Variants in GRM7 observed in about 807,000 individuals in gnomAD.
The protein encoded by GRM7 is glutamate metabotropic receptor 7, also known as metabotropic glutamate receptor 7.
A neutral mutation model predicts 84.5 loss-of-function variants in GRM7; 35 were observed. The ratio of observed to expected loss-of-function variants is 0.41; its 90% CI spans 0.32 to 0.55. The LOEUF (loss-of-function observed/expected upper bound fraction) is 0.55. GRM7 is among the 20% of genes least tolerant of loss of function. The probability of loss-of-function intolerance (pLI) is 0.19; values close to 1 mark genes in which losing one functional copy is unlikely to be tolerated. For synonymous variants in GRM7, 487 were observed against 455.1 expected (o/e 1.07, Z -0.89); for missense variants, 1,003 against 1,194.6 (o/e 0.84, Z 2.36).
chr3:7,736,935 A>G (rs562905202), intron 9 of GRM7, among the ~76,000 whole-genome samples: 3 of 152,184 alleles, frequency 2.0e-5, no homozygotes, highest in Non-Finnish European at 4.4e-5. Flanking sequence ...CTTAAAATAT[A>G]AAGAAATTAA....
At chr3:7,714,599 A>G (rs935752505) in intron 9 of GRM7, among the ~76,000 whole-genome samples, 5 of 152,104 alleles carry the variant, frequency 3.3e-5, no homozygotes, top group Admixed American at 2.6e-4. Context: ...ATTCCTCTAC[A>G]CATTACAGTT....
chr3:7,178,350 G>A (rs1451834305), intron 2 of GRM7, among the ~76,000 whole-genome samples: 1 of 150,862 alleles, frequency 6.6e-6, no homozygotes, highest in African/African-American at 2.4e-5. Flanking sequence ...TTCATTATTT[G>A]TTTTACATTG....
chr3:7,436,062 G>A (rs931556866), intron 5 of GRM7, among the ~76,000 whole-genome samples: 69 of 151,354 alleles, frequency 4.6e-4, no homozygotes, highest in African/African-American at 1.5e-3. Flanking sequence ...GGCCAGGCTG[G>A]TCTCAAACTC....
intron 1 of GRM7, among the ~76,000 whole-genome samples, chr3:6,998,119 C>CAAAAAAAAAAAAAAAAAAAA: frequency 0.049 from 897 of 18,424 alleles, 408 homozygotes; most frequent in South Asian, 0.11. Context: ...ATCTCCATCT[C>CAAAAAAAAAAAAAAAAAAAA]AAAAAAAAAA....
chr3:7,175,881 A>G lies in GRM7; in HGVS notation c.736+29213A>G, dbSNP rs114364222. ...AATAAGCATCATCAAAAGTAAAACA[A>G]AAATTCTGCTAGAGGAGTCAGTACA... is the stretch of plus-strand genomic sequence containing the variant. On this transcript the variant is annotated intron_variant, in intron 2 of 9. Transcript: ENST00000357716. Among the ~76,000 whole-genome samples the G allele has an allele frequency of 4.6e-3, 696 of 152,256 alleles. 3 individuals are homozygous for G. The highest frequency in any genetic ancestry group is 0.016 in the African/African-American group (660 of 41,554).
chr3:7,682,539 TACACACAC>T (rs35042061), intron 9 of GRM7, among the ~76,000 whole-genome samples: 20 of 117,886 alleles, frequency 1.7e-4, no homozygotes, highest in East Asian at 1.1e-3. Flanking sequence ...TTTATTTTTG[TACACACAC>T]ACACACACAC....
chr3:7,362,138 G>A (rs1019171001), intron 4 of GRM7, among the ~76,000 whole-genome samples: 15 of 152,088 alleles, frequency 9.9e-5, no homozygotes, highest in Admixed American at 3.3e-4. Context: ...TCATGTCATT[G>A]TGATTGAAAT....
intron 7 of GRM7, among the ~76,000 whole-genome samples, chr3:7,501,455 C>G (rs1419968416): frequency 6.6e-6 from 1 of 152,182 alleles, no homozygotes; most frequent in Non-Finnish European, 1.5e-5. Flanking sequence ...GAGTCAGACT[C>G]TATGCTTTGA....
intron 9 of GRM7, among the ~76,000 whole-genome samples, chr3:7,711,993 G>T (rs932559923): frequency 6.6e-6 from 1 of 152,182 alleles, no homozygotes; most frequent in African/African-American, 2.4e-5. Flanking sequence ...CTGTCATCAT[G>T]ACATATGACT....
At chr3:6,983,436 G>C (rs1694278174) in intron 1 of GRM7, among the ~76,000 whole-genome samples, 1 of 152,106 alleles carries the variant, frequency 6.6e-6, no homozygotes, top group Non-Finnish European at 1.5e-5. Flanking sequence ...GATGAATGGG[G>C]AAAAGGGTCA....
rs1700294356 is a variant in GRM7, at chr3:7,679,899, CA to C, written c.2452-149del. 4 of 668,128 alleles carry C rather than the reference CA, an allele frequency of 6.0e-6. No individual in the cohort carries two copies. The South Asian group carries it at 7.6e-5, about 13-fold the overall frequency. 41.4% of individuals were successfully genotyped at this position (668,128 alleles called of 1,614,324 possible). A position where few individuals can be genotyped will look rare whatever the true frequency, so the allele number is the denominator to read the frequency against. ...ATGCATATGCTCTCCAATAACTGTG[CA>C]GAGTTATTGTGCTTTCCTTTATTTA... On this transcript the variant is annotated intron_variant, in intron 8 of 9. Coordinates refer to ENST00000357716, the MANE Select transcript of GRM7 (RefSeq NM_000844.4).
chr3:7,408,139 T>C (rs764035425), intron 4 of GRM7, among the ~76,000 whole-genome samples: 2 of 152,230 alleles, frequency 1.3e-5, no homozygotes, highest in African/African-American at 2.4e-5. Flanking sequence ...CCTACAATTC[T>C]AGTTTCAGAG....
At chr3:7,106,738 T>C (rs1692660698) in intron 1 of GRM7, among the ~76,000 whole-genome samples, 1 of 152,040 alleles carries the variant, frequency 6.6e-6, no homozygotes, top group African/African-American at 2.4e-5. Context: ...TTTCAGTTGC[T>C]GGACAAACTA....
chr3:7,110,364 G>C, intron 1 of GRM7, among the ~76,000 whole-genome samples: 1 of 152,084 alleles, frequency 6.6e-6, no homozygotes, highest in Non-Finnish European at 1.5e-5. Flanking sequence ...ACTTTGGGAG[G>C]CCAAGGTGGG....
intron 7 of GRM7, among the ~76,000 whole-genome samples, chr3:7,493,941 A>C (rs75214729): frequency 0.013 from 2,032 of 152,162 alleles, 38 homozygotes; most frequent in African/African-American, 0.046. Context: ...GAAACCTTCC[A>C]TTTAGGTCCC....
chr3:7,125,905 G>T (rs1693383236), intron 1 of GRM7, among the ~76,000 whole-genome samples: 1 of 152,176 alleles, frequency 6.6e-6, no homozygotes, highest in African/African-American at 2.4e-5. Context: ...TTGAGGGTGA[G>T]AGGCTTGCTT....
intron 1 of GRM7, among the ~76,000 whole-genome samples, chr3:6,998,974 C>G (rs888837359): frequency 3.3e-5 from 5 of 152,210 alleles, no homozygotes; most frequent in African/African-American, 1.2e-4. Flanking sequence ...TGGTGATTAA[C>G]ATTTGGCTCC....
At chr3:7,194,896 C>G (rs1695829303) in intron 2 of GRM7, among the ~76,000 whole-genome samples, 1 of 152,070 alleles carries the variant, frequency 6.6e-6, no homozygotes, top group African/African-American at 2.4e-5. Flanking sequence ...TTGTCTTGCT[C>G]AGGGATTCTA....
At chr3:7,107,454 C>T (rs1170812150) in intron 1 of GRM7, among the ~76,000 whole-genome samples, 2 of 151,962 alleles carry the variant, frequency 1.3e-5, no homozygotes, top group East Asian at 1.9e-4. Flanking sequence ...TGACAATTAC[C>T]ATGTACTTTT....
Sources: allele counts gnomAD v4.1 joint callset (sites outside exome capture counted in the v4.1 genomes callset), GRCh38; gene constraint gnomAD v4.1.1; transcripts MANE v1.5; gene names NCBI Gene and HGNC (gene_info 2026-07-23, HGNC 2026-07-21).